Variants in ACYP2 observed in about 807,000 individuals in gnomAD.
The protein encoded by ACYP2 is acylphosphatase-2.
In ACYP2, 12 loss-of-function variants were observed where a neutral mutation model predicts 11.2. The ratio of observed to expected loss-of-function variants is 1.08; its 90% CI spans 0.69 to 1.74. The LOEUF (loss-of-function observed/expected upper bound fraction) is 1.74. Ranked by LOEUF, ACYP2 falls within the 40% of genes most tolerant of loss-of-function variation. ACYP2 has a pLI of 0.00. For synonymous variants in ACYP2, 43 were observed against 32.2 expected (o/e 1.33, Z -1.13); for missense variants, 134 against 101.9 (o/e 1.31, Z -1.35).
chr2:54,054,654 C>T (rs1163513476), intron 3 of ACYP2, among the ~76,000 whole-genome samples: 1 of 152,186 alleles, frequency 6.6e-6, no homozygotes, highest in African/African-American at 2.4e-5. Context: ...GTTAACTCTA[C>T]CACAACTATA....
intron 2 of ACYP2, among the ~76,000 whole-genome samples, chr2:54,020,262 C>A (rs1673933486): frequency 2.0e-5 from 3 of 152,154 alleles, no homozygotes. Context: ...AATCAGAATA[C>A]AGTTCCTGCT....
intron 2 of ACYP2, among the ~76,000 whole-genome samples, chr2:54,000,769 C>T (rs1672760335): frequency 1.3e-5 from 2 of 152,184 alleles, no homozygotes; most frequent in African/African-American, 2.4e-5. Context: ...CACATCTTTT[C>T]CACTTACGTC....
At chr2:54,104,630 T>G (rs1679056603) in intron 4 of ACYP2, among the ~76,000 whole-genome samples, 5 of 152,204 alleles carry the variant, frequency 3.3e-5, no homozygotes, top group Admixed American at 3.3e-4. Flanking sequence ...GTCTGAGTAT[T>G]CTACACTTGA....
At chr2:53,972,389 G>A (rs1016047365) in intron 1 of ACYP2, among the ~76,000 whole-genome samples, 1 of 151,310 alleles carries the variant, frequency 6.6e-6, no homozygotes, top group East Asian at 1.9e-4. Context: ...GGTGGATCAC[G>A]GGGTCAGGAG....
chr2:54,050,889 C>A, intron 2 of ACYP2: 2 of 388,924 alleles, frequency 5.1e-6, no homozygotes, highest in Non-Finnish European at 9.1e-6. Context: ...ATCCTCCTGC[C>A]TCAGCCTTCT....
intron 2 of ACYP2, among the ~76,000 whole-genome samples, chr2:54,039,824 T>TGC (rs1675128595): frequency 9.6e-6 from 1 of 104,314 alleles, no homozygotes; most frequent in Non-Finnish European, 1.9e-5. Flanking sequence ...TTCTTTTGTG[T>TGC]GTGTGTGTGT....
intron 2 of ACYP2, among the ~76,000 whole-genome samples, chr2:54,041,791 A>G (rs1675243174): frequency 7.2e-6 from 1 of 139,636 alleles, no homozygotes; most frequent in South Asian, 2.7e-4. Flanking sequence ...CCCACTTAGA[A>G]TGCATTTTTT....
At chr2:54,123,530 C>A in intron 4 of ACYP2, 1 of 397,302 alleles carries the variant, frequency 2.5e-6, no homozygotes, top group Non-Finnish European at 4.4e-6. Context: ...AGTATATTCA[C>A]AATGTTTTGC....
intron 6 of ACYP2, among the ~76,000 whole-genome samples, chr2:54,297,215 C>T (rs548389452): frequency 2.0e-5 from 3 of 148,074 alleles, no homozygotes; most frequent in South Asian, 2.1e-4. Context: ...ATTATCTGGC[C>T]GAGTGCAGTG....
intron 2 of ACYP2, among the ~76,000 whole-genome samples, chr2:54,048,043 T>C (rs1207644552): frequency 2.6e-5 from 4 of 152,358 alleles, no homozygotes; most frequent in East Asian, 3.9e-4. Flanking sequence ...TGGGCTTCAC[T>C]CTATTATTTA....
At chr2:54,249,151 C>T (rs992380925) in intron 6 of ACYP2, among the ~76,000 whole-genome samples, 1 of 151,750 alleles carries the variant, frequency 6.6e-6, no homozygotes, top group Non-Finnish European at 1.5e-5. Flanking sequence ...GCAAAAGGGA[C>T]ATGATTACTT....
chr2:54,250,575 T>C (rs1005655972), intron 6 of ACYP2, among the ~76,000 whole-genome samples: 2 of 152,362 alleles, frequency 1.3e-5, no homozygotes, highest in South Asian at 4.1e-4. Context: ...GTCATCTATA[T>C]GGATGCCACT....
intron 6 of ACYP2, among the ~76,000 whole-genome samples, chr2:54,258,316 G>T (rs1687644023): frequency 6.6e-6 from 1 of 152,186 alleles, no homozygotes; most frequent in Non-Finnish European, 1.5e-5. Context: ...CAAAGAAGTT[G>T]AGGGAGTCAG....
intron 6 of ACYP2, among the ~76,000 whole-genome samples, chr2:54,178,967 C>T (rs1352423433): frequency 6.6e-6 from 1 of 152,084 alleles, no homozygotes; most frequent in Admixed American, 6.5e-5. Flanking sequence ...TCTCATGGAT[C>T]TGGAGGCTGG....
At chr2:54,137,956 CT>C (rs1681358042) in intron 5 of ACYP2, among the ~76,000 whole-genome samples, 1 of 152,078 alleles carries the variant, frequency 6.6e-6, no homozygotes, top group Admixed American at 6.6e-5. Flanking sequence ...TATTTTTTGG[CT>C]TTTTAATAAT....
Position 54,037,991 on chromosome 2 carries a change from C to T in ACYP2, c.63-12967C>T, listed in dbSNP as rs372432417. ...TATTTCCCCAGGGTGTAAAAATCTC[C>T]GAAGCTTTCTCTCCTACACAGTGAA... On this transcript the variant is annotated intron_variant, in intron 2 of 6. Transcript: ENST00000607452. Among the ~76,000 whole-genome samples the T allele has an allele frequency of 7.2e-5, 11 of 152,242 alleles. No individual in the cohort carries two copies. The East Asian group carries it at 7.7e-4, about 11-fold the overall frequency.
intron 6 of ACYP2, among the ~76,000 whole-genome samples, chr2:54,278,033 C>G (rs1394125004): frequency 6.6e-6 from 1 of 152,088 alleles, no homozygotes; most frequent in African/African-American, 2.4e-5. Flanking sequence ...AGGCTGGACT[C>G]CAGTGGCTCA....
intron 6 of ACYP2, among the ~76,000 whole-genome samples, chr2:54,141,260 G>A (rs78346932): frequency 0.023 from 3,509 of 152,108 alleles, 119 homozygotes; most frequent in African/African-American, 0.075. Flanking sequence ...TATTGGTTTC[G>A]TCTATGATAG....
intron 6 of ACYP2, among the ~76,000 whole-genome samples, chr2:54,153,631 G>A (rs368676094): frequency 1.4e-5 from 2 of 144,596 alleles, no homozygotes; most frequent in East Asian, 4.0e-4. Context: ...ACAGAGTCTC[G>A]CTCTGTCACC....
Sources: gnomAD v4.1 joint callset for allele counts (sites outside exome capture counted in the v4.1 genomes callset) on GRCh38, gnomAD v4.1.1 for gene constraint, MANE v1.5 for transcripts, NCBI Gene and HGNC (gene_info 2026-07-23, HGNC 2026-07-21) for gene names.